PPP2R2C: variants seen among roughly 807,000 people sequenced by gnomAD.
PPP2R2C encodes protein phosphatase 2 regulatory subunit Bgamma.
Under a neutral mutation model 45.3 loss-of-function variants are expected in PPP2R2C, and 10 were observed. That is an observed-to-expected ratio of 0.22 (90% CI 0.14 to 0.37). The LOEUF is 0.37. PPP2R2C is among the 10% of genes least tolerant of loss of function. The probability of loss-of-function intolerance (pLI) is 1.00; values close to 1 mark genes in which losing one functional copy is unlikely to be tolerated. For missense variants in PPP2R2C, 308 were observed against 619.7 expected (o/e 0.50, Z 5.34); for synonymous variants, 257 against 245.4 (o/e 1.05, Z -0.44).
intron 1 of PPP2R2C, among the ~76,000 whole-genome samples, chr4:6,458,716 G>GGT (rs5855916): frequency 6.6e-6 from 1 of 151,744 alleles, no homozygotes; most frequent in African/African-American, 2.4e-5. Flanking sequence ...GTGCTGAGCT[G>GGT]GCAGGGTGCA....
rs6828471 is a variant in PPP2R2C, at chr4:6,329,227, G to A, written c.1052+35C>T. The A allele has an allele frequency of 1.3e-3, 1,978 of 1,582,070 alleles. 23 individuals are homozygous for A. In the African/African-American group the frequency reaches 0.023, roughly 18 times the overall value. ...CCTGCAGGGCAGAAACCCTCCCTAC[G>A]GTGAGGTGAGGTGCGGGCTGAGGTC... On this transcript the variant is annotated intron_variant, in intron 8 of 8. Transcript: ENST00000382599. This position sits in a 1 kb window ranked among gnomAD's most constrained non-coding sequence, Gnocchi z 5.8.
intron 2 of PPP2R2C, chr4:6,523,501 G>C (rs1724091161): frequency 6.6e-6 from 1 of 152,210 alleles, no homozygotes; most frequent in Admixed American, 6.5e-5. Context: ...AGTCATTAGG[G>C]AAATCCAAAT....
intron 1 of PPP2R2C, among the ~76,000 whole-genome samples, chr4:6,550,940 C>T (rs571534875): frequency 6.6e-6 from 1 of 152,320 alleles, no homozygotes; most frequent in African/African-American, 2.4e-5. Context: ...GCCACAGTGC[C>T]CAGCTAGAGC....
chr4:6,518,233 C>T (rs757123866), intron 2 of PPP2R2C, among the ~76,000 whole-genome samples: 6 of 152,210 alleles, frequency 3.9e-5, no homozygotes, highest in Admixed American at 6.5e-5. Context: ...CCTAAGCTTC[C>T]ACTTCAGGAA....
intron 2 of PPP2R2C, among the ~76,000 whole-genome samples, chr4:6,494,916 G>A (rs73796227): frequency 0.047 from 7,176 of 152,340 alleles, 351 homozygotes; most frequent in African/African-American, 0.12. Context: ...GCTGCCCTGA[G>A]ACCAGGATGG....
intron 2 of PPP2R2C, among the ~76,000 whole-genome samples, chr4:6,508,665 G>C (rs2108799573): frequency 6.6e-6 from 1 of 152,250 alleles, no homozygotes; most frequent in African/African-American, 2.4e-5. Flanking sequence ...ATCTGAGTTG[G>C]GCGAGTGGGC....
At chr4:6,489,003 A>G (rs142755071) in intron 2 of PPP2R2C, among the ~76,000 whole-genome samples, 2 of 151,956 alleles carry the variant, frequency 1.3e-5, no homozygotes, top group African/African-American at 2.4e-5. Context: ...GGACTTCTGC[A>G]TAACTCCAGA....
At chr4:6,460,897 C>A (rs1721286191) in intron 1 of PPP2R2C, among the ~76,000 whole-genome samples, 1 of 152,124 alleles carries the variant, frequency 6.6e-6, no homozygotes, top group South Asian at 2.1e-4. Flanking sequence ...GCATTTGAAG[C>A]CTTTCACAAA....
rs1721943572 is a variant in PPP2R2C, at chr4:6,472,298, C to T, written c.-69G>A. The T allele has an allele frequency of 1.9e-6, 3 of 1,593,556 alleles. No homozygotes were observed. The East Asian group carries it at 6.9e-5, about 36-fold the overall frequency. On this transcript the variant is annotated 5_prime_UTR_variant, in exon 1 of 9. Transcript: ENST00000382599. ...ACCGATGCAATCCGCAGAGGTCGCG[C>T]CGGGCGCGCGGGCCATGCCGCCGCA...
chr4:6,562,815 G>A (rs1021268661), intron 1 of PPP2R2C, among the ~76,000 whole-genome samples: 1 of 152,228 alleles, frequency 6.6e-6, no homozygotes, highest in African/African-American at 2.4e-5. Flanking sequence ...GCAGCGTCTC[G>A]GGCCACAGAG....
At chr4:6,390,892 C>A (rs78146667) in intron 1 of PPP2R2C, among the ~76,000 whole-genome samples, 2 of 152,076 alleles carry the variant, frequency 1.3e-5, no homozygotes. Context: ...ATCACCACCC[C>A]ACCTTCCAGC....
intron 2 of PPP2R2C, among the ~76,000 whole-genome samples, chr4:6,533,641 C>T (rs1724481986): frequency 6.6e-6 from 1 of 152,188 alleles, no homozygotes; most frequent in African/African-American, 2.4e-5. Context: ...ACATTGCCGT[C>T]CAAATGCAGG....
chr4:6,425,975 G>A (rs552203217), intron 1 of PPP2R2C, among the ~76,000 whole-genome samples: 13 of 152,118 alleles, frequency 8.5e-5, no homozygotes, highest in Non-Finnish European at 1.5e-4. Flanking sequence ...CATCAGTACC[G>A]GGCCAGGGCA....
intron 1 of PPP2R2C, chr4:6,384,364 G>C: frequency 1.0e-6 from 1 of 985,422 alleles, no homozygotes; most frequent in East Asian, 1.1e-4. Flanking sequence ...GGGGAAAAAA[G>C]CTGGAAGAGA....
chr4:6,460,771 T>C (rs1467291795), intron 1 of PPP2R2C, among the ~76,000 whole-genome samples: 1 of 152,242 alleles, frequency 6.6e-6, no homozygotes, highest in Non-Finnish European at 1.5e-5. Flanking sequence ...TGACTACATA[T>C]GTTTTTTGTA....
intron 5 of PPP2R2C, among the ~76,000 whole-genome samples, chr4:6,359,204 A>T (rs1006025367): frequency 6.6e-6 from 1 of 152,322 alleles, no homozygotes; most frequent in African/African-American, 2.4e-5. Context: ...AGGGACATGG[A>T]TGAAGCTGGA....
intron 1 of PPP2R2C, among the ~76,000 whole-genome samples, chr4:6,465,322 G>T (rs992402325): frequency 6.6e-6 from 1 of 152,142 alleles, no homozygotes; most frequent in Non-Finnish European, 1.5e-5. Flanking sequence ...GAGGCCCATG[G>T]ACCCAATGGG....
intron 1 of PPP2R2C, chr4:6,535,443 C>A: frequency 9.2e-7 from 1 of 1,087,770 alleles, no homozygotes; most frequent in Non-Finnish European, 1.3e-6. Context: ...CGCCGCCACA[C>A]ACCACATGCA....
chr4:6,413,369 G>T (rs1314940956), intron 1 of PPP2R2C, among the ~76,000 whole-genome samples: 1 of 152,232 alleles, frequency 6.6e-6, no homozygotes, highest in Non-Finnish European at 1.5e-5. Flanking sequence ...TGCACACACA[G>T]CCCATAAGCA....
Sources: gnomAD v4.1 joint callset for allele counts (sites outside exome capture counted in the v4.1 genomes callset) on GRCh38, gnomAD v4.1.1 for gene constraint, Gnocchi (gnomAD v3.1) non-coding constraint, MANE v1.5 for transcripts, NCBI Gene and HGNC (gene_info 2026-07-23, HGNC 2026-07-21) for gene names.